Variants in GRIA3 observed in about 807,000 individuals in gnomAD.
The protein encoded by GRIA3 is glutamate receptor 3.
GRIA3 carries 3 observed loss-of-function variants against 63.0 expected under a neutral mutation model. The ratio of observed to expected loss-of-function variants is 0.05; its 90% CI spans 0.02 to 0.12. The LOEUF is 0.12. Ranked by LOEUF, GRIA3 falls within the 10% of genes least tolerant of loss-of-function variation. The probability of loss-of-function intolerance (pLI) is 1.00; values close to 1 mark genes in which losing one functional copy is unlikely to be tolerated. For synonymous variants in GRIA3, 274 were observed against 257.9 expected (o/e 1.06, Z -0.60); for missense variants, 347 against 700.9 (o/e 0.50, Z 5.70).
chrX:123,411,472 G>T (rs770394982), intron 10 of GRIA3, among the ~76,000 whole-genome samples: 2 of 111,824 alleles, frequency 1.8e-5, no homozygotes, highest in South Asian at 7.5e-4. Context: ...TTAAAATTAC[G>T]TTTAAAGTCA....
At chrX:123,321,152 A>G (rs913535098) in intron 3 of GRIA3, among the ~76,000 whole-genome samples, 8 of 112,053 alleles carry the variant, frequency 7.1e-5, no homozygotes, top group African/African-American at 2.3e-4. Context: ...AAATATTGAC[A>G]AGGTAATTTC....
intron 3 of GRIA3, among the ~76,000 whole-genome samples, chrX:123,254,218 C>A (rs754094743): frequency 5.4e-5 from 6 of 111,591 alleles, no homozygotes; most frequent in Non-Finnish European, 1.1e-4. Context: ...TCTAAATATG[C>A]CCAGTCTCCT....
chrX:123,445,945 G>A (rs1426488937), intron 12 of GRIA3, among the ~76,000 whole-genome samples: 1 of 111,897 alleles, frequency 8.9e-6, no homozygotes, highest in Non-Finnish European at 1.9e-5. Context: ...GTTATATAAC[G>A]GAAGACATAC....
At chrX:123,192,579 A>G (rs193186668) in intron 2 of GRIA3, among the ~76,000 whole-genome samples, 5 of 111,651 alleles carry the variant, frequency 4.5e-5, no homozygotes, top group Admixed American at 1.9e-4. Context: ...TGGATTTCCA[A>G]TTGCTCATTG....
At chrX:123,486,808 G>A (rs1042471928) in intron 15 of GRIA3, among the ~76,000 whole-genome samples, 1 of 111,780 alleles carries the variant, frequency 8.9e-6, no homozygotes. Context: ...CAGGGGCACC[G>A]ACATCAAGAG....
In GRIA3 at chrX:123,485,264, C is replaced by T. The variant is rs376738751; in HGVS notation, c.*2+2218C>T. 3.6e-5 allele frequency among the ~76,000 whole-genome samples: 4 copies of T among 111,914 alleles called. No individual in the cohort carries two copies. The South Asian group carries it at 1.5e-3, about 42-fold the overall frequency. On this transcript the variant is annotated intron_variant, in intron 15 of 15. Coordinates refer to ENST00000620443, the MANE Select transcript of GRIA3 (RefSeq NM_007325.5). ...TTATCCCAAATTTTGAGGTGCTGGCCTCCAAATAAATAATACACCTGAAAT... is the reference window on the plus strand; with the variant it reads ...TTATCCCAAATTTTGAGGTGCTGGCTTCCAAATAAATAATACACCTGAAAT...
chrX:123,314,977 G>T (rs1250040874), intron 3 of GRIA3, among the ~76,000 whole-genome samples: 1 of 111,969 alleles, frequency 8.9e-6, no homozygotes, highest in African/African-American at 3.2e-5. Context: ...CATGAAGGAG[G>T]TCACAGTTGA....
chrX:123,363,011 C>A (rs758905858), intron 5 of GRIA3, among the ~76,000 whole-genome samples: 24 of 112,590 alleles, frequency 2.1e-4, no homozygotes, highest in Non-Finnish European at 3.9e-4. Context: ...CACATTGTAT[C>A]CTCCCAGGAG....
intron 3 of GRIA3, among the ~76,000 whole-genome samples, chrX:123,323,704 G>A (rs1055307101): frequency 1.8e-5 from 2 of 111,739 alleles, no homozygotes; most frequent in Non-Finnish European, 1.9e-5. Flanking sequence ...AAATAAGGGA[G>A]AAGTGGGGAC....
intron 6 of GRIA3, among the ~76,000 whole-genome samples, chrX:123,397,757 T>G (rs762905877): frequency 8.9e-6 from 1 of 112,409 alleles, no homozygotes; most frequent in Admixed American, 9.4e-5. Context: ...TTTTGCTACA[T>G]TTTTAAAAAG....
intron 10 of GRIA3, among the ~76,000 whole-genome samples, chrX:123,414,011 T>C: frequency 8.9e-6 from 1 of 111,992 alleles, no homozygotes; most frequent in East Asian, 2.8e-4. Flanking sequence ...AGTTAATGTC[T>C]GAAGGAAGAT....
chrX:123,485,658 A>G (rs745488220), intron 15 of GRIA3, among the ~76,000 whole-genome samples: 66 of 111,673 alleles, frequency 5.9e-4, no homozygotes, highest in Non-Finnish European at 7.7e-4. Flanking sequence ...TGAATATTCA[A>G]TCACTCCTAC....
At chrX:123,473,612 G>C (rs918199368) in intron 13 of GRIA3, among the ~76,000 whole-genome samples, 1 of 111,456 alleles carries the variant, frequency 9.0e-6, no homozygotes, top group African/African-American at 3.3e-5. Flanking sequence ...GTTAGCAAAA[G>C]AGAGGATGGC....
intron 5 of GRIA3, among the ~76,000 whole-genome samples, chrX:123,378,812 C>A (rs1264760547): frequency 9.0e-6 from 1 of 111,431 alleles, no homozygotes; most frequent in Non-Finnish European, 1.9e-5. Context: ...TGAAAATGGA[C>A]CAAGAGTCAG....
intron 4 of GRIA3, among the ~76,000 whole-genome samples, chrX:123,347,852 C>T (rs192695786): frequency 1.8e-3 from 197 of 112,000 alleles, no homozygotes; most frequent in African/African-American, 5.9e-3. Context: ...ATTTTAGACT[C>T]TTACAAGTTT....
intron 3 of GRIA3, among the ~76,000 whole-genome samples, chrX:123,321,715 A>C: frequency 1.8e-5 from 2 of 112,237 alleles, no homozygotes; most frequent in South Asian, 3.7e-4. Flanking sequence ...CCCTGTCATG[A>C]GATCAACCTC....
intron 3 of GRIA3, among the ~76,000 whole-genome samples, chrX:123,290,586 CTGTGTGTG>C (rs761564682): frequency 0.077 from 6,910 of 90,027 alleles, 344 homozygotes; most frequent in East Asian, 0.33. Context: ...CCTCAAAGGA[CTGTGTGTG>C]TGTGTGTGTG....
chrX:123,453,766 T>C (rs1159937073), intron 12 of GRIA3, among the ~76,000 whole-genome samples: 1 of 110,635 alleles, frequency 9.0e-6, no homozygotes, highest in Non-Finnish European at 1.9e-5. Context: ...TCTACCTCAG[T>C]GTGAATGTTT....
intron 3 of GRIA3, among the ~76,000 whole-genome samples, chrX:123,322,927 G>C (rs1432078201): frequency 8.9e-6 from 1 of 112,214 alleles, no homozygotes; most frequent in African/African-American, 3.2e-5. Flanking sequence ...ATGGTTCAAA[G>C]AACAAAAGTA....
Sources: allele counts gnomAD v4.1 joint callset (sites outside exome capture counted in the v4.1 genomes callset), GRCh38; gene constraint gnomAD v4.1.1; transcripts MANE v1.5; gene names NCBI Gene and HGNC (gene_info 2026-07-23, HGNC 2026-07-21).